Variants in CNTN4 observed in about 807,000 individuals in gnomAD.
CNTN4 encodes contactin-4.
In CNTN4, 77 loss-of-function variants were observed where a neutral mutation model predicts 122.5. The observed-to-expected ratio is 0.63, with a 90% confidence interval of 0.52 to 0.76. The LOEUF (loss-of-function observed/expected upper bound fraction) is 0.76. CNTN4 is among the 30% of genes least tolerant of loss of function. The pLI is 0.00. For missense variants in CNTN4, 1,256 were observed against 1,259.1 expected (o/e 1.00, Z 0.04); for synonymous variants, 512 against 447.0 (o/e 1.15, Z -1.83).
chr3:2,159,333 T>A (rs1559297356), intron 2 of CNTN4, among the ~76,000 whole-genome samples: 1 of 152,160 alleles, frequency 6.6e-6, no homozygotes, highest in Non-Finnish European at 1.5e-5. Flanking sequence ...TTATGAACTT[T>A]CTTAATATTT....
intron 8 of CNTN4, among the ~76,000 whole-genome samples, chr3:2,881,262 C>G (rs2093906372): frequency 6.6e-6 from 1 of 152,108 alleles, no homozygotes; most frequent in Non-Finnish European, 1.5e-5. Flanking sequence ...CCTGTAATCC[C>G]AGCACTTTGG....
At chr3:2,383,790 C>T (rs954706904) in intron 3 of CNTN4, among the ~76,000 whole-genome samples, 1 of 150,606 alleles carries the variant, frequency 6.6e-6, no homozygotes, top group Non-Finnish European at 1.5e-5. Context: ...CTCTCCCTTT[C>T]TTTCCTCTCT....
chr3:2,564,325 G>A (rs577059672), intron 3 of CNTN4, among the ~76,000 whole-genome samples: 1 of 152,242 alleles, frequency 6.6e-6, no homozygotes, highest in African/African-American at 2.4e-5. Flanking sequence ...TGTGGATAGT[G>A]AATGTGGACT....
intron 2 of CNTN4, among the ~76,000 whole-genome samples, chr3:2,290,499 G>A (rs991334556): frequency 2.0e-5 from 3 of 152,090 alleles, no homozygotes; most frequent in African/African-American, 7.2e-5. Context: ...TGATGGTGAA[G>A]CAAGAAAGGC....
At chr3:2,239,860 T>G (rs1383610889) in intron 2 of CNTN4, among the ~76,000 whole-genome samples, 1 of 152,174 alleles carries the variant, frequency 6.6e-6, no homozygotes, top group African/African-American at 2.4e-5. Context: ...GGAAGGCTCG[T>G]CTGTACCCTT....
intron 4 of CNTN4, among the ~76,000 whole-genome samples, chr3:2,588,181 G>A (rs185722401): frequency 4.6e-5 from 7 of 152,028 alleles, no homozygotes; most frequent in East Asian, 1.9e-4. Flanking sequence ...AGCCTGGCAC[G>A]TCCTCAGAAG....
Position 2,310,455 on chromosome 3 carries a change from C to G in CNTN4, c.-144-28723C>G, listed in dbSNP as rs777893660. On this transcript the variant is annotated intron_variant, in intron 2 of 24. Coordinates refer to ENST00000418658, the MANE Select transcript of CNTN4 (RefSeq NM_175607.3). Reference sequence around the variant, plus strand: ...GCAGAATGTCTGTTGTTTGCTATCCCTAAAAGTGATGTCCTCTATGATTTA... The same window carrying G: ...GCAGAATGTCTGTTGTTTGCTATCCGTAAAAGTGATGTCCTCTATGATTTA... 1.6e-4 allele frequency among the ~76,000 whole-genome samples: 24 copies of G among 152,108 alleles called. 3 individuals are homozygous for G. Among genetic ancestry groups the G allele is most frequent in the Admixed American group, 1.4e-3 (22 of 15,270 alleles).
intron 6 of CNTN4, among the ~76,000 whole-genome samples, chr3:2,749,531 C>T (rs967938958): frequency 6.6e-6 from 1 of 152,018 alleles, no homozygotes; most frequent in Non-Finnish European, 1.5e-5. Flanking sequence ...TATTTCACTC[C>T]TATGGCAGAA....
At chr3:2,453,337 G>A (rs2048896056) in intron 3 of CNTN4, among the ~76,000 whole-genome samples, 1 of 152,000 alleles carries the variant, frequency 6.6e-6, no homozygotes, top group South Asian at 2.1e-4. Context: ...AAACATTTAG[G>A]GGAAAGATGT....
chr3:2,668,296 G>A (rs2084291093), intron 4 of CNTN4, among the ~76,000 whole-genome samples: 1 of 152,156 alleles, frequency 6.6e-6, no homozygotes, highest in Non-Finnish European at 1.5e-5. Context: ...TCTCCTGGAA[G>A]AGGTCCTTCA....
intron 3 of CNTN4, among the ~76,000 whole-genome samples, chr3:2,509,577 A>G (rs1295779275): frequency 1.3e-5 from 2 of 152,192 alleles, no homozygotes; most frequent in African/African-American, 4.8e-5. Context: ...ACTTGAGTTG[A>G]TAATGGGCAC....
In CNTN4 at chr3:2,741,540, A is replaced by C. The variant is rs183218927; in HGVS notation, c.183-3982A>C. Among the ~76,000 whole-genome samples, 638 of 152,346 alleles carry C rather than the reference A, an allele frequency of 4.2e-3. 3 individuals carry two copies. Among genetic ancestry groups the C allele is most frequent in the African/African-American group, 0.015 (609 of 41,578 alleles). On this transcript the variant is annotated intron_variant, in intron 5 of 24. Coordinates refer to ENST00000418658, the MANE Select transcript of CNTN4 (RefSeq NM_175607.3). ...TATTCTAGGACAGCAGGTGTAAACC[A>C]AGCACTTGTCTTGGGCAAGCCAGAA...
chr3:2,794,427 A>G (rs537022667), intron 6 of CNTN4, among the ~76,000 whole-genome samples: 29 of 152,364 alleles, frequency 1.9e-4, no homozygotes, highest in African/African-American at 6.5e-4. Context: ...TACAATAAAT[A>G]GTAACTCCCA....
intron 13 of CNTN4, among the ~76,000 whole-genome samples, chr3:2,965,221 T>A (rs1274346395): frequency 1.3e-5 from 2 of 152,226 alleles, no homozygotes; most frequent in African/African-American, 4.8e-5. Context: ...CAGACAAGCA[T>A]ATCGGAGCCA....
In CNTN4 at chr3:2,709,135, C is replaced by T. The variant is rs187203893; in HGVS notation, c.56-27080C>T. Reference sequence around the variant, plus strand: ...TTAAGCTAGATCGTTACAAATGAAGCCTTACCATTTGATGAAAATCCAGCA... The same window carrying T: ...TTAAGCTAGATCGTTACAAATGAAGTCTTACCATTTGATGAAAATCCAGCA... On this transcript the variant is annotated intron_variant, in intron 4 of 24. Transcript: ENST00000418658. The surrounding 1 kb of genome is among the most constrained non-coding windows in gnomAD (Gnocchi z 5.0). 1.3e-5 allele frequency among the ~76,000 whole-genome samples: 2 copies of T among 152,076 alleles called. No individual in the cohort carries two copies. The highest frequency in any genetic ancestry group is 2.1e-4 in the South Asian group (1 of 4,826).
At position 2,669,660 on chromosome 3, in the gene CNTN4, C is replaced by T. The variant is rs563399775; in HGVS notation, c.56-66555C>T. ...GTTTTGAATGTGTTTGCTCTTGCTT[C>T]TCCAGTTCTTTTAATTGTGATGTTA... is the stretch of plus-strand genomic sequence containing the variant. On this transcript the variant is annotated intron_variant, in intron 4 of 24. Transcript: ENST00000418658. 8.3e-3 allele frequency among the ~76,000 whole-genome samples: 1,264 copies of T among 152,196 alleles called. 18 individuals carry two copies. Among genetic ancestry groups the T allele is most frequent in the African/African-American group, 0.029 (1,208 of 41,522 alleles).
intron 3 of CNTN4, among the ~76,000 whole-genome samples, chr3:2,550,364 G>C (rs2078442991): frequency 6.6e-6 from 1 of 152,114 alleles, no homozygotes; most frequent in East Asian, 1.9e-4. Context: ...CATCATCACT[G>C]GTCATTAGAG....
intron 13 of CNTN4, among the ~76,000 whole-genome samples, chr3:2,978,371 T>C (rs1693626092): frequency 6.6e-6 from 1 of 152,128 alleles, no homozygotes; most frequent in Non-Finnish European, 1.5e-5. Flanking sequence ...GTTCACAGTC[T>C]CAAAGGCCTG....
At chr3:2,242,381 G>C (rs2149619250) in intron 2 of CNTN4, among the ~76,000 whole-genome samples, 1 of 152,204 alleles carries the variant, frequency 6.6e-6, no homozygotes, top group Non-Finnish European at 1.5e-5. Flanking sequence ...TCAGACTCAA[G>C]ATAGAAAGGA....
Sources: allele counts gnomAD v4.1 joint callset (sites outside exome capture counted in the v4.1 genomes callset), GRCh38; gene constraint gnomAD v4.1.1; non-coding constraint Gnocchi (gnomAD v3.1); transcripts MANE v1.5; gene names NCBI Gene and HGNC (gene_info 2026-07-23, HGNC 2026-07-21).